JAKMIP3: variants seen among roughly 807,000 people sequenced by gnomAD.
The protein encoded by JAKMIP3 is Janus kinase and microtubule interacting protein 3, also known as janus kinase and microtubule-interacting protein 3.
JAKMIP3 carries 58 observed loss-of-function variants against 118.5 expected under a neutral mutation model. The observed-to-expected ratio is 0.49, with a 90% CI of 0.40 to 0.61. The LOEUF is 0.61. JAKMIP3 is among the 20% of genes least tolerant of loss of function. The pLI is 0.00. For synonymous variants in JAKMIP3, 486 were observed against 451.2 expected (o/e 1.08, Z -0.98); for missense variants, 950 against 1,109.0 (o/e 0.86, Z 2.04).
intron 1 of JAKMIP3, among the ~76,000 whole-genome samples, chr10:132,045,038 C>G (rs2037867471): frequency 6.6e-6 from 1 of 152,156 alleles, no homozygotes; most frequent in African/African-American, 2.4e-5. Context: ...GCGAATCATG[C>G]TGCTATGAAC....
At position 132,133,363 on chromosome 10, in the gene JAKMIP3, T is replaced by G; in HGVS notation, c.685T>G (p.Leu229Val). The G allele has an allele frequency of 6.2e-7, 1 of 1,602,312 alleles. No homozygotes were observed. The highest frequency in any genetic ancestry group is 8.5e-7 in the Non-Finnish European group (1 of 1,174,522). Residue 229 changes from leucine (L) to valine (V), a missense_variant, in exon 4 of 24, where the codon TTA (leucine) becomes GTA (valine). Physicochemically the swap from Leu to Val is conservative, Grantham distance 32. Coordinates refer to ENST00000684848, the MANE Select transcript of JAKMIP3 (RefSeq NM_001323087.2). ...DRAVFVLERELGVQAGHAQRL... is the reference protein window; with the variant it reads ...DRAVFVLEREVGVQAGHAQRL... ...AGCAGTCTTCGTGCTGGAGAGAGAG[T>G]TAGGGGTTCAAGCCGGGCATGCTCA...
At chr10:132,170,778 G>C (rs565146151) in intron 23 of JAKMIP3, among the ~76,000 whole-genome samples, 2 of 152,168 alleles carry the variant, frequency 1.3e-5, no homozygotes, top group African/African-American at 2.4e-5. Context: ...GCGCCGCTCC[G>C]CTCGGGGGCT....
In JAKMIP3 at chr10:132,151,199, C is replaced by T. The variant is rs149270040; in HGVS notation, c.2007+1158C>T. ...ATCCACCCTCCATAATTTATCTATG[C>T]ATCCTCCATCATTCATTCATTCATC... On this transcript the variant is annotated intron_variant, in intron 16 of 23. Coordinates refer to ENST00000684848, the MANE Select transcript of JAKMIP3 (RefSeq NM_001323087.2). Among the ~76,000 whole-genome samples the T allele has an allele frequency of 6.3e-3, 960 of 152,190 alleles. 11 individuals carry two copies. The highest frequency in any genetic ancestry group is 0.022 in the African/African-American group (920 of 41,526).
chr10:132,063,603 G>A (rs916918085), upstream of JAKMIP3, among the ~76,000 whole-genome samples: 3 of 152,220 alleles, frequency 2.0e-5, no homozygotes, highest in Admixed American at 6.5e-5. Context: ...CCTGCTCTCC[G>A]CCTCAGCCAG....
At position 132,081,903 on chromosome 10, in the gene JAKMIP3, G is replaced by A. The variant is rs552101837; in HGVS notation, c.-138+15842G>A. 3.3e-5 allele frequency among the ~76,000 whole-genome samples: 5 copies of A among 151,818 alleles called. No homozygotes were observed. In the South Asian group the frequency reaches 6.3e-4, roughly 19 times the overall value. ...TAAATCTCCATGTCTCTTCTTAACC[G>A]GCCACTGTCTTCCTCTGCTTTCGTG... On this transcript the variant is annotated intron_variant, in intron 1 of 23. Coordinates refer to ENST00000684848, the MANE Select transcript of JAKMIP3 (RefSeq NM_001323087.2).
chr10:132,180,670 TGTGTGCGCGCGCGTGTGTGTGCGTGC>T (rs1565020284), intron 23 of JAKMIP3, among the ~76,000 whole-genome samples: 1 of 29,912 alleles, frequency 3.3e-5, no homozygotes, highest in African/African-American at 1.2e-4. Flanking sequence ...TGTGTGCGTG[TGTGTGCGCGCGCGTGTGTGTGCGTGC>T]GTGTGTGTGT....
chr10:132,140,698 A>G (rs2053340610), intron 10 of JAKMIP3, 119 bp downstream of exon 10: 1 of 1,410,148 alleles, frequency 7.1e-7, no homozygotes, highest in Non-Finnish European at 9.2e-7. Flanking sequence ...TTGGCTGGGC[A>G]TGGGCTGCCG....
intron 3 of JAKMIP3, among the ~76,000 whole-genome samples, chr10:132,119,049 C>T (rs2048152089): frequency 6.6e-6 from 1 of 152,214 alleles, no homozygotes; most frequent in African/African-American, 2.4e-5. Flanking sequence ...GCCATCCCCT[C>T]TCACCCCCGA....
chr10:132,043,281 T>A (rs1255173061), intron 1 of JAKMIP3, among the ~76,000 whole-genome samples: 1 of 152,142 alleles, frequency 6.6e-6, no homozygotes, highest in East Asian at 1.9e-4. Context: ...GTGGGCTCAC[T>A]GCAGCCTTGA....
intron 1 of JAKMIP3, among the ~76,000 whole-genome samples, chr10:132,050,546 G>T (rs56906157): frequency 0.17 from 26,007 of 152,134 alleles, 2,309 homozygotes; most frequent in African/African-American, 0.23. Context: ...GCACTCTCCA[G>T]CTTCATCTTC....
At chr10:132,098,647 G>T (rs2044354201) in intron 1 of JAKMIP3, among the ~76,000 whole-genome samples, 1 of 152,202 alleles carries the variant, frequency 6.6e-6, no homozygotes, top group Non-Finnish European at 1.5e-5. Context: ...CAGCTTAGTG[G>T]CGTTGCTCTT....
intron 3 of JAKMIP3, among the ~76,000 whole-genome samples, chr10:132,131,779 T>C (rs914254317): frequency 9.9e-5 from 15 of 151,996 alleles, no homozygotes; most frequent in Non-Finnish European, 2.1e-4. Flanking sequence ...CGGAACCCGC[T>C]GGGAGGGCTC....
intron 1 of JAKMIP3, among the ~76,000 whole-genome samples, chr10:132,093,064 G>GT (rs2043303841): frequency 6.6e-6 from 1 of 152,236 alleles, no homozygotes; most frequent in African/African-American, 2.4e-5. Flanking sequence ...GGTGTCAGCA[G>GT]TGGAGGCTGC....
intron 19 of JAKMIP3, 89 bp from the exon 20 acceptor site, chr10:132,163,120 G>GC: frequency 1.6e-6 from 2 of 1,264,618 alleles, no homozygotes; most frequent in Admixed American, 4.3e-5. Flanking sequence ...CTGCTCCCAG[G>GC]CGGAGGGTGG....
chr10:132,180,742 C>CGCGTGTGTGT lies in JAKMIP3; in HGVS notation c.*1104-1614_*1104-1613insCGTGTGTGTG, dbSNP rs1412152341. Reference sequence around the variant, plus strand: ...GTGCGTGTGTGTGCGTGTGTGCGTGCGTGCGCGCGCGTGTGTGCGTGTGTG... The same window carrying CGCGTGTGTGT: ...GTGCGTGTGTGTGCGTGTGTGCGTGCGCGTGTGTGTGTGCGCGCGCGTGTGTGCGTGTGTG... On this transcript the variant is annotated intron_variant, in intron 23 of 23. Coordinates refer to ENST00000684848, the MANE Select transcript of JAKMIP3 (RefSeq NM_001323087.2). Among the ~76,000 whole-genome samples, 34 of 8,710 alleles carry CGCGTGTGTGT rather than the reference C, an allele frequency of 3.9e-3. 5 individuals carry two copies. Among genetic ancestry groups the CGCGTGTGTGT allele is most frequent in the African/African-American group, 0.019 (32 of 1,724 alleles). 5.7% of individuals were successfully genotyped at this position (8,710 alleles called of 152,430 possible).
At chr10:132,078,662 C>T (rs2041258404) in intron 1 of JAKMIP3, among the ~76,000 whole-genome samples, 1 of 150,868 alleles carries the variant, frequency 6.6e-6, no homozygotes, top group South Asian at 2.1e-4. Flanking sequence ...TGCTCCTGTT[C>T]AATCATGTAG....
chr10:132,046,856 C>T (rs1025980441), intron 1 of JAKMIP3, among the ~76,000 whole-genome samples: 1 of 152,124 alleles, frequency 6.6e-6, no homozygotes, highest in Non-Finnish European at 1.5e-5. Context: ...TAAAGTTGCC[C>T]TTAATATACA....
chr10:132,096,792 C>T (rs192104922), intron 1 of JAKMIP3, among the ~76,000 whole-genome samples: 2 of 152,246 alleles, frequency 1.3e-5, no homozygotes, highest in South Asian at 2.1e-4. Flanking sequence ...AGAAAGCGGC[C>T]GGCCAGGGAC....
At chr10:132,141,336 C>CGGTT (rs1397139833) in intron 10 of JAKMIP3, among the ~76,000 whole-genome samples, 2 of 152,200 alleles carry the variant, frequency 1.3e-5, no homozygotes, top group Non-Finnish European at 2.9e-5. Context: ...CGTGGCCAAC[C>CGGTT]CTTCCAGCCC....
Sources: allele counts gnomAD v4.1 joint callset (sites outside exome capture counted in the v4.1 genomes callset), GRCh38; gene constraint gnomAD v4.1.1; transcripts MANE v1.5; gene names NCBI Gene and HGNC (gene_info 2026-07-23, HGNC 2026-07-21).